The following NEK10 variants were observed in gnomAD, a reference collection of about 807,000 sequenced individuals.
NEK10 encodes NIMA related kinase 10.
In NEK10, 122 loss-of-function variants were observed where a neutral mutation model predicts 159.8. The ratio of observed to expected loss-of-function variants is 0.76; its 90% confidence interval spans 0.66 to 0.89. The LOEUF (loss-of-function observed/expected upper bound fraction) is 0.89. Ranked by LOEUF, NEK10 falls within the 40% of genes least tolerant of loss-of-function variation. The probability of loss-of-function intolerance (pLI) is 0.00; values close to 1 mark genes in which losing one functional copy is unlikely to be tolerated. For synonymous variants in NEK10, 466 were observed against 457.1 expected (o/e 1.02, Z -0.25); for missense variants, 1,342 against 1,323.1 (o/e 1.01, Z -0.22).
chr3:27,171,618 C>T (rs747013254), intron 29 of NEK10, among the ~76,000 whole-genome samples: 55 of 152,112 alleles, frequency 3.6e-4, no homozygotes, highest in Non-Finnish European at 7.2e-4. Context: ...AAAGGCAGAG[C>T]TAGACTAAGA....
intron 19 of NEK10, among the ~76,000 whole-genome samples, chr3:27,289,835 A>G (rs2042875503): frequency 6.6e-6 from 1 of 152,254 alleles, no homozygotes; most frequent in Non-Finnish European, 1.5e-5. Context: ...AATATTTACT[A>G]TAATGTACAC....
intron 13 of NEK10, among the ~76,000 whole-genome samples, chr3:27,300,890 T>A (rs1168871398): frequency 6.6e-6 from 1 of 152,164 alleles, no homozygotes; most frequent in Admixed American, 6.5e-5. Flanking sequence ...TTTCACACCA[T>A]CTATGAAGAA....
chr3:27,268,926 T>A (rs956296266), intron 22 of NEK10, among the ~76,000 whole-genome samples: 1 of 152,166 alleles, frequency 6.6e-6, no homozygotes, highest in East Asian at 1.9e-4. Flanking sequence ...GGTCAAAATA[T>A]CAACATTAAC....
In NEK10 at chr3:27,107,280, C is replaced by T. The variant is rs1939091901; in HGVS notation, c.*3992G>A. On this transcript the variant is annotated 3_prime_UTR_variant, in exon 36 of 36. Coordinates refer to ENST00000691995, the MANE Select transcript of NEK10 (RefSeq NM_001394966.1). The stretch of plus-strand genomic sequence containing the variant: ...GAAACTCATAAAATCTTTCCTGTCC[C>T]TCTTGCAAATCTCAAAACAACATCA... Among the ~76,000 whole-genome samples the T allele has an allele frequency of 6.6e-6, 1 of 152,078 alleles. No individual in the cohort carries two copies. The highest frequency in any genetic ancestry group is 2.4e-5 in the African/African-American group (1 of 41,402).
chr3:27,107,493 C>T lies in NEK10; in HGVS notation c.*3779G>A, dbSNP rs76460355. Among the ~76,000 whole-genome samples, 141 of 152,236 alleles carry T rather than the reference C, an allele frequency of 9.3e-4. 1 individual carries two copies. In the East Asian group the frequency reaches 0.024, roughly 26 times the overall value. Reference sequence around the variant, plus strand: ...ACATTTCAACTGAAAAAATAATCTACCCAAAGCTGTCAGTTCCTACAAAAG... The same window carrying T: ...ACATTTCAACTGAAAAAATAATCTATCCAAAGCTGTCAGTTCCTACAAAAG... On this transcript the variant is annotated 3_prime_UTR_variant, in exon 36 of 36. Coordinates refer to ENST00000691995, the MANE Select transcript of NEK10 (RefSeq NM_001394966.1).
rs189056128 is a variant in NEK10 at position 27,246,277 on chromosome 3, C to T, written c.2090+10019G>A. Among the ~76,000 whole-genome samples, 12 of 152,266 alleles carry T rather than the reference C, an allele frequency of 7.9e-5. No individual in the cohort carries two copies. The East Asian group carries it at 2.3e-3, about 29-fold the overall frequency. On this transcript the variant is annotated intron_variant, in intron 23 of 35. Coordinates refer to ENST00000691995, the MANE Select transcript of NEK10 (RefSeq NM_001394966.1). ...TCTGCAGGTTTGTTATATAGGTAAACTGCATGTCATGGGGGTTTGTTGCAG... is the reference window on the plus strand; with the variant it reads ...TCTGCAGGTTTGTTATATAGGTAAATTGCATGTCATGGGGGTTTGTTGCAG...
In NEK10 at chr3:27,107,542, T is replaced by C. The variant is rs1939118665; in HGVS notation, c.*3730A>G. Among the ~76,000 whole-genome samples, 1 of 152,220 alleles carries C rather than the reference T, an allele frequency of 6.6e-6. No individual in the cohort carries two copies. Among genetic ancestry groups the C allele is most frequent in the Non-Finnish European group, 1.5e-5 (1 of 68,036 alleles). On this transcript the variant is annotated 3_prime_UTR_variant, in exon 36 of 36. Coordinates refer to ENST00000691995, the MANE Select transcript of NEK10 (RefSeq NM_001394966.1). The stretch of plus-strand genomic sequence containing the variant: ...AGGATAATTAATTTAATCTCAAAGA[T>C]ATCATGTAAGTATATATGAAATTCA...
chr3:27,254,692 CAGAA>C (rs1449902689), intron 23 of NEK10, among the ~76,000 whole-genome samples: 3 of 152,102 alleles, frequency 2.0e-5, no homozygotes, highest in South Asian at 2.1e-4. Context: ...AAGAAGTTGA[CAGAA>C]AGATAAATGG....
intron 23 of NEK10, among the ~76,000 whole-genome samples, chr3:27,238,747 G>A (rs28684989): frequency 3.1e-4 from 2 of 6,414 alleles, no homozygotes; most frequent in East Asian, 0.012. Flanking sequence ...CTCCCCTTTC[G>A]TGTGTGTGTG....
intron 22 of NEK10, among the ~76,000 whole-genome samples, chr3:27,267,674 G>A (rs1045793150): frequency 4.6e-5 from 7 of 152,130 alleles, no homozygotes; most frequent in Non-Finnish European, 8.8e-5. Flanking sequence ...ACATTGACTG[G>A]CTGTTCCCCC....
rs1265049221 is a variant in NEK10, at chr3:27,286,288, G to A, written c.1790-1327C>T. Among the ~76,000 whole-genome samples, 4 of 150,968 alleles carry A rather than the reference G, an allele frequency of 2.6e-5. No homozygotes were observed. The South Asian group carries it at 8.4e-4, about 32-fold the overall frequency. On this transcript the variant is annotated intron_variant, in intron 20 of 35. Coordinates refer to ENST00000691995, the MANE Select transcript of NEK10 (RefSeq NM_001394966.1). ...TTTTTAGTAGAGACGGGGTTTCACC[G>A]TGTTAGCCAGGATGGTCTCGATTTC...
chr3:27,255,487 A>G (rs1956083079), intron 23 of NEK10, among the ~76,000 whole-genome samples: 1 of 134,418 alleles, frequency 7.4e-6, no homozygotes, highest in Non-Finnish European at 1.5e-5. Context: ...TCAATTGTAC[A>G]ACTATAGGCT....
At chr3:27,207,670 G>A (rs1282935841) in intron 23 of NEK10, among the ~76,000 whole-genome samples, 1 of 152,156 alleles carries the variant, frequency 6.6e-6, no homozygotes, top group East Asian at 1.9e-4. Context: ...ACTGCAATGT[G>A]TTAATTCTGA....
chr3:27,342,233 T>C (rs1323527970), intron 5 of NEK10, among the ~76,000 whole-genome samples: 2 of 152,036 alleles, frequency 1.3e-5, no homozygotes, highest in African/African-American at 4.8e-5. Context: ...CTAAATCTCA[T>C]GTTTGCAAAG....
chr3:27,252,230 T>C, intron 23 of NEK10: 1 of 502,924 alleles, frequency 2.0e-6, no homozygotes, highest in South Asian at 1.5e-5. Flanking sequence ...GGCAAGACTA[T>C]GAAAAAATAA....
chr3:27,141,405 C>T (rs192948843), intron 31 of NEK10, 77 bp downstream of exon 31: 3 of 1,101,258 alleles, frequency 2.7e-6, no homozygotes, highest in Non-Finnish European at 4.0e-6. Flanking sequence ...CTAAAGTCCT[C>T]CAAAATAGTT....
chr3:27,244,810 C>T (rs1346166681), intron 23 of NEK10, among the ~76,000 whole-genome samples: 1 of 152,118 alleles, frequency 6.6e-6, no homozygotes, highest in Non-Finnish European at 1.5e-5. Context: ...AGCTGGACTC[C>T]CACTATGTGC....
intron 3 of NEK10, among the ~76,000 whole-genome samples, chr3:27,347,408 A>G (rs910180658): frequency 6.8e-6 from 1 of 147,858 alleles, no homozygotes; most frequent in African/African-American, 2.5e-5. Context: ...AGGCTGAGGC[A>G]GGAGAATCAC....
intron 23 of NEK10, among the ~76,000 whole-genome samples, chr3:27,249,898 T>C (rs994449338): frequency 5.3e-5 from 8 of 152,176 alleles, no homozygotes; most frequent in African/African-American, 1.7e-4. Flanking sequence ...GTATGTTTTT[T>C]GATTTGAGGT....
Sources: allele counts gnomAD v4.1 joint callset (sites outside exome capture counted in the v4.1 genomes callset), GRCh38; gene constraint gnomAD v4.1.1; transcripts MANE v1.5; gene names NCBI Gene and HGNC (gene_info 2026-07-23, HGNC 2026-07-21).